Variants in LRRC8B observed in about 807,000 individuals in gnomAD.
LRRC8B encodes the protein leucine rich repeat containing 8 VRAC subunit B.
Under a neutral mutation model 58.8 loss-of-function variants are expected in LRRC8B, and 23 were observed. The ratio of observed to expected loss-of-function variants is 0.39; its 90% CI spans 0.28 to 0.55. The LOEUF is 0.55. Ranked by LOEUF, LRRC8B falls within the 20% of genes least tolerant of loss-of-function variation. The pLI is 0.62. For synonymous variants in LRRC8B, 359 were observed against 374.1 expected (o/e 0.96, Z 0.47); for missense variants, 694 against 936.0 (o/e 0.74, Z 3.37).
chr1:89,530,719 G>T (rs1650060472), intron 1 of LRRC8B, among the ~76,000 whole-genome samples: 1 of 152,204 alleles, frequency 6.6e-6, no homozygotes. Flanking sequence ...CAGAGGGTTG[G>T]GTGACTGGAC....
chr1:89,571,205 G>C (rs553399320), intron 3 of LRRC8B, among the ~76,000 whole-genome samples: 1 of 151,954 alleles, frequency 6.6e-6, no homozygotes, highest in Non-Finnish European at 1.5e-5. Context: ...TTCTTTTTTT[G>C]GTTCCATGTG....
chr1:89,588,586 C>G (rs1315838789), intron 5 of LRRC8B, among the ~76,000 whole-genome samples: 1 of 152,158 alleles, frequency 6.6e-6, no homozygotes, highest in Admixed American at 6.6e-5. Context: ...GTCTGCCAGT[C>G]AAATTCATGT....
At chr1:89,578,280 A>T (rs1021248597) in intron 3 of LRRC8B, among the ~76,000 whole-genome samples, 1 of 152,236 alleles carries the variant, frequency 6.6e-6, no homozygotes, top group African/African-American at 2.4e-5. Context: ...TATGCAATAA[A>T]TTCTTTTCTG....
chr1:89,527,180 G>T (rs1649764900), intron 1 of LRRC8B, among the ~76,000 whole-genome samples: 1 of 152,148 alleles, frequency 6.6e-6, no homozygotes, highest in Non-Finnish European at 1.5e-5. Flanking sequence ...ATAAACAAGG[G>T]TTTTTGTTTT....
intron 1 of LRRC8B, among the ~76,000 whole-genome samples, chr1:89,527,789 A>G (rs1178324812): frequency 6.6e-6 from 1 of 152,228 alleles, no homozygotes; most frequent in East Asian, 1.9e-4. Flanking sequence ...AATTAGGCCT[A>G]GCTCCAATCA....
chr1:89,589,411 C>CT (rs1283776653), intron 5 of LRRC8B, among the ~76,000 whole-genome samples: 1 of 152,188 alleles, frequency 6.6e-6, no homozygotes, highest in African/African-American at 2.4e-5. Context: ...AGATCCATCC[C>CT]TATCACAGTG....
rs1653184062 is a variant in LRRC8B, at chr1:89,568,263, T to C, written c.-224T>C. On this transcript the variant is annotated 5_prime_UTR_variant, in exon 2 of 6. Coordinates refer to ENST00000330947, the MANE Select transcript of LRRC8B (RefSeq NM_001369817.2). Reference sequence around the variant, plus strand: ...TCTCCCTAGGTAATAGTTAACCTCTTCTGTGAGAAGTCAGAAGGTGATCTC... The same window carrying C: ...TCTCCCTAGGTAATAGTTAACCTCTCCTGTGAGAAGTCAGAAGGTGATCTC... The C allele has an allele frequency of 6.6e-6, 1 of 152,180 alleles. No individual in the cohort carries two copies. The highest frequency in any genetic ancestry group is 1.5e-5 in the Non-Finnish European group (1 of 67,996). 9.4% of individuals were successfully genotyped at this position (152,180 alleles called of 1,614,324 possible).
chr1:89,577,403 G>C (rs900603278), intron 3 of LRRC8B, among the ~76,000 whole-genome samples: 4 of 152,044 alleles, frequency 2.6e-5, no homozygotes, highest in Non-Finnish European at 5.9e-5. Context: ...TTCTTAATGA[G>C]GTTTAAAAGC....
At chr1:89,566,449 A>G (rs368648890) in intron 1 of LRRC8B, among the ~76,000 whole-genome samples, 1 of 152,208 alleles carries the variant, frequency 6.6e-6, no homozygotes, top group East Asian at 1.9e-4. Flanking sequence ...TTAAACTTAT[A>G]CAATTGCCCG....
intron 1 of LRRC8B, among the ~76,000 whole-genome samples, chr1:89,550,621 A>G (rs1238470884): frequency 6.6e-6 from 1 of 152,164 alleles, no homozygotes; most frequent in East Asian, 1.9e-4. Flanking sequence ...GGCAAAATTC[A>G]CCAGTTAGCT....
intron 1 of LRRC8B, among the ~76,000 whole-genome samples, chr1:89,527,232 T>C (rs934655701): frequency 1.3e-5 from 2 of 152,230 alleles, no homozygotes; most frequent in Non-Finnish European, 2.9e-5. Flanking sequence ...ACCTGAGTAT[T>C]TTATGTTTTC....
Position 89,545,479 on chromosome 1 carries a change from G to A in LRRC8B, c.-241+20457G>A, listed in dbSNP as rs138805750. Among the ~76,000 whole-genome samples, 697 of 152,270 alleles carry A rather than the reference G, an allele frequency of 4.6e-3. 3 individuals are homozygous for A. The highest frequency in any genetic ancestry group is 5.0e-3 in the Non-Finnish European group (337 of 68,008). ...ACCAGGCCTTTTAGCTCTGTGTCCA[G>A]TCTTCTTTCCACCCTGTCATACTGT... On this transcript the variant is annotated intron_variant, in intron 1 of 5. Coordinates refer to ENST00000330947, the MANE Select transcript of LRRC8B (RefSeq NM_001369817.2).
intron 1 of LRRC8B, among the ~76,000 whole-genome samples, chr1:89,547,462 C>T (rs1269667344): frequency 6.6e-6 from 1 of 152,070 alleles, no homozygotes; most frequent in Non-Finnish European, 1.5e-5. Context: ...ACTCTCTCAA[C>T]CTTTGTGTAT....
Position 89,593,092 on chromosome 1 carries a change from C to T in LRRC8B, c.*49C>T, listed in dbSNP as rs112054975. 5 of 1,579,232 alleles carry T rather than the reference C, an allele frequency of 3.2e-6. No individual in the cohort carries two copies. Among genetic ancestry groups the T allele is most frequent in the East Asian group, 2.2e-5 (1 of 44,576 alleles). On this transcript the variant is annotated 3_prime_UTR_variant, in exon 6 of 6. Coordinates refer to ENST00000330947, the MANE Select transcript of LRRC8B (RefSeq NM_001369817.2). ...TCAAAATCATTTTTAAAAGTATGCTCGGCCGGGCGTGGTGGCTCATGCCTA... is the reference window on the plus strand; with the variant it reads ...TCAAAATCATTTTTAAAAGTATGCTTGGCCGGGCGTGGTGGCTCATGCCTA...
chr1:89,589,039 G>A (rs1654813376), intron 5 of LRRC8B, among the ~76,000 whole-genome samples: 1 of 151,982 alleles, frequency 6.6e-6, no homozygotes, highest in Non-Finnish European at 1.5e-5. Context: ...ATATTCAATT[G>A]TTATATTTTG....
chr1:89,530,894 G>C (rs1433225996), intron 1 of LRRC8B, among the ~76,000 whole-genome samples: 1 of 152,090 alleles, frequency 6.6e-6, no homozygotes, highest in Non-Finnish European at 1.5e-5. Flanking sequence ...GCTATTAGGG[G>C]AGTTTGTGGG....
At position 89,593,108 on chromosome 1, in the gene LRRC8B, C is replaced by G. The variant is rs1655097295; in HGVS notation, c.*65C>G. ...AAGTATGCTCGGCCGGGCGTGGTGG[C>G]TCATGCCTATAATCCCAGCACTTTG... On this transcript the variant is annotated 3_prime_UTR_variant, in exon 6 of 6. Transcript: ENST00000330947. 2 of 1,521,588 alleles carry G rather than the reference C, an allele frequency of 1.3e-6. No individual in the cohort carries two copies. Among genetic ancestry groups the G allele is most frequent in the African/African-American group, 2.7e-5 (2 of 72,806 alleles). The allele number at this position is 1,521,588 out of a possible 1,614,324, so 94.3% of individuals were successfully genotyped here. A position where few individuals can be genotyped will look rare whatever the true frequency, so the allele number is the denominator to read the frequency against.
At chr1:89,554,501 T>G (rs1378462243) in intron 1 of LRRC8B, among the ~76,000 whole-genome samples, 1 of 152,226 alleles carries the variant, frequency 6.6e-6, no homozygotes, top group East Asian at 1.9e-4. Flanking sequence ...GATTTAGGTC[T>G]GAGTGTGACA....
chr1:89,538,505 A>G (rs922239535), intron 1 of LRRC8B, among the ~76,000 whole-genome samples: 1 of 152,186 alleles, frequency 6.6e-6, no homozygotes, highest in African/African-American at 2.4e-5. Flanking sequence ...CATTTTATAC[A>G]GAGACTTGGA....
Sources: gnomAD v4.1 joint callset for allele counts (sites outside exome capture counted in the v4.1 genomes callset) on GRCh38, gnomAD v4.1.1 for gene constraint, MANE v1.5 for transcripts, NCBI Gene and HGNC (gene_info 2026-07-23, HGNC 2026-07-21) for gene names.